Variants in C12orf50 observed in about 807,000 individuals in gnomAD.
C12orf50 encodes uncharacterized protein C12orf50.
Under a neutral mutation model 61.6 loss-of-function variants are expected in C12orf50, and 35 were observed. The observed-to-expected ratio is 0.57, with a 90% CI of 0.43 to 0.75. The LOEUF (loss-of-function observed/expected upper bound fraction) is 0.75, where lower values mean the gene tolerates loss of function less well. Among genes scored for constraint, C12orf50 ranks in the 30% least tolerant of loss-of-function variants. C12orf50 has a pLI of 0.00. For missense variants in C12orf50, 475 were observed against 488.5 expected, an observed-to-expected ratio of 0.97 and a Z score of 0.26; for synonymous variants, 178 against 161.5, an observed-to-expected ratio of 1.10 and a Z score of -0.77.
At chr12:88,008,401 T>C (rs898795969) in intron 3 of C12orf50, among the ~76,000 whole-genome samples, 2 of 152,180 alleles carry the variant, frequency 1.3e-5, no homozygotes, top group Admixed American at 6.5e-5. Context: ...GATCTCATTC[T>C]TTTTTATGGC....
At chr12:87,991,888 C>T (rs983619094) in intron 7 of C12orf50, among the ~76,000 whole-genome samples, 2 of 152,164 alleles carry the variant, frequency 1.3e-5, no homozygotes, top group Non-Finnish European at 2.9e-5. Flanking sequence ...ATGGTGCTTT[C>T]ATGCATTGTT....
rs528705401 is a variant in C12orf50, at chr12:88,016,446, T to C, written c.133+10042A>G. ...TAGATAGAAGTTCCTGGAAATATCA[T>C]AGGAAATATTAGGTCTGCCAGGAAT... On this transcript the variant is annotated intron_variant, in intron 3 of 12. Coordinates refer to ENST00000298699, the MANE Select transcript of C12orf50 (RefSeq NM_152589.3). 3.9e-5 allele frequency among the ~76,000 whole-genome samples: 6 copies of C among 152,332 alleles called. No individual in the cohort carries two copies. In the South Asian group the frequency reaches 1.0e-3, roughly 26 times the overall value.
chr12:87,985,607 G>GA (rs1332655615), intron 11 of C12orf50: 7 of 541,796 alleles, frequency 1.3e-5, no homozygotes, highest in Admixed American at 3.2e-5. Flanking sequence ...AGTGCTCTGA[G>GA]AAAAAAACTC....
chr12:88,001,351 T>C (rs910339096), intron 3 of C12orf50, among the ~76,000 whole-genome samples: 2 of 151,526 alleles, frequency 1.3e-5, no homozygotes, highest in African/African-American at 4.8e-5. Flanking sequence ...CCAACCTTGT[T>C]TCTGAGTTAA....
chr12:88,000,630 G>A (rs1308707513), intron 3 of C12orf50, among the ~76,000 whole-genome samples: 1 of 151,914 alleles, frequency 6.6e-6, no homozygotes, highest in East Asian at 1.9e-4. Flanking sequence ...GATCAATTTG[G>A]AGAATACTGG....
At chr12:88,028,475 T>C (rs892390010) in intron 1 of C12orf50, among the ~76,000 whole-genome samples, 2 of 152,194 alleles carry the variant, frequency 1.3e-5, no homozygotes, top group African/African-American at 4.8e-5. Flanking sequence ...CCTAATACAT[T>C]GGAGGAATTC....
At chr12:88,018,710 A>AC (rs1192156626) in intron 3 of C12orf50, among the ~76,000 whole-genome samples, 2 of 152,160 alleles carry the variant, frequency 1.3e-5, no homozygotes, top group Non-Finnish European at 2.9e-5. Flanking sequence ...AGACCATGGG[A>AC]CCCCACCTTT....
At chr12:88,012,754 T>A (rs1283684212) in intron 3 of C12orf50, among the ~76,000 whole-genome samples, 1 of 152,186 alleles carries the variant, frequency 6.6e-6, no homozygotes, top group African/African-American at 2.4e-5. Flanking sequence ...GCAACTAACC[T>A]GAACTCTTTT....
At chr12:88,027,706 T>C (rs754868301) in intron 1 of C12orf50, 8 of 152,230 alleles carry the variant, frequency 5.3e-5, no homozygotes, top group Non-Finnish European at 1.2e-4. Context: ...ATGTGGATTG[T>C]TTTAATGGGC....
chr12:87,988,013 A>G (rs1465160528), intron 8 of C12orf50, 47 bp from the exon 9 acceptor site: 2 of 1,282,520 alleles, frequency 1.6e-6, no homozygotes, highest in African/African-American at 3.0e-5. Context: ...TAGTTTTTAA[A>G]AAAAGCATTT....
chr12:88,009,227 G>T (rs577123720), intron 3 of C12orf50, among the ~76,000 whole-genome samples: 1 of 152,102 alleles, frequency 6.6e-6, no homozygotes, highest in African/African-American at 2.4e-5. Flanking sequence ...ATAATGTTAG[G>T]CTGTTTTCCA....
chr12:88,028,340 C>T (rs1487816966), intron 1 of C12orf50, among the ~76,000 whole-genome samples: 2 of 152,076 alleles, frequency 1.3e-5, no homozygotes, highest in Non-Finnish European at 2.9e-5. Context: ...ATTCAGGTTT[C>T]CTAACAGAGA....
At chr12:87,991,021 T>A (rs975301788) in intron 7 of C12orf50, among the ~76,000 whole-genome samples, 8 of 151,958 alleles carry the variant, frequency 5.3e-5, no homozygotes, top group African/African-American at 1.9e-4. Flanking sequence ...TTGGTGAACA[T>A]CCCATGTCTC....
chr12:87,994,225 A>G (rs993825178), intron 7 of C12orf50, among the ~76,000 whole-genome samples: 1 of 149,486 alleles, frequency 6.7e-6, no homozygotes, highest in South Asian at 2.1e-4. Flanking sequence ...AAATAAATAA[A>G]TAAGTAGATA....
intron 3 of C12orf50, among the ~76,000 whole-genome samples, chr12:88,006,205 C>A (rs1274938845): frequency 6.6e-6 from 1 of 152,010 alleles, no homozygotes. Flanking sequence ...CGTGAGCCAC[C>A]GCGCCTGGCC....
At chr12:88,016,033 A>T (rs1001201302) in intron 3 of C12orf50, among the ~76,000 whole-genome samples, 1 of 152,168 alleles carries the variant, frequency 6.6e-6, no homozygotes, top group South Asian at 2.1e-4. Flanking sequence ...CAAGTGCCTC[A>T]TACTGGAAGA....
rs781738925 is a variant in C12orf50, at chr12:87,987,875, C to A, written c.792G>T (p.Met264Ile). The change falls in exon 9 of 13, where the codon ATG becomes ATT. Residue 264 changes from methionine (M) to isoleucine (I), a missense_variant. Transcript: ENST00000298699. ...HVLNATENIS[M>I]KCREDPSSMN... Reference sequence around the variant, plus strand: ...TTGAAGAGGGGTCCTCTCTGCACTTCATACTGATATTCTCAGTAGCATTTA... The same window carrying A: ...TTGAAGAGGGGTCCTCTCTGCACTTAATACTGATATTCTCAGTAGCATTTA... 1 of 1,607,550 alleles carries A rather than the reference C, an allele frequency of 6.2e-7. No homozygotes were observed. Among genetic ancestry groups the A allele is most frequent in the Admixed American group, 1.7e-5 (1 of 59,506 alleles).
chr12:88,022,309 A>G (rs1404525788), intron 3 of C12orf50, among the ~76,000 whole-genome samples: 1 of 152,158 alleles, frequency 6.6e-6, no homozygotes, highest in Non-Finnish European at 1.5e-5. Flanking sequence ...ACATCCCTTC[A>G]TGCTAAAAAC....
Position 87,985,960 on chromosome 12 carries a change from CTT to C in C12orf50, c.1014_1015del (p.Asp340CysfsTer22). The C allele has an allele frequency of 6.2e-7, 1 of 1,613,898 alleles. No homozygotes were observed. The highest frequency in any genetic ancestry group is 8.5e-7 in the Non-Finnish European group (1 of 1,179,882). ...CAACGCGACAGTCCTGACAGCATCT[CTT>C]TGAACGTGGATATAGGATGCATTCT... On this transcript the variant is annotated frameshift_variant, in exon 11 of 13. Coordinates refer to ENST00000298699, the MANE Select transcript of C12orf50 (RefSeq NM_152589.3). LOFTEE classifies it high-confidence loss of function.
Sources: allele counts gnomAD v4.1 joint callset (sites outside exome capture counted in the v4.1 genomes callset), GRCh38; gene constraint gnomAD v4.1.1; transcripts MANE v1.5; gene names NCBI Gene and HGNC (gene_info 2026-07-23, HGNC 2026-07-21).